AADAC: variants seen among roughly 807,000 people sequenced by gnomAD.
AADAC encodes arylacetamide deacetylase (esterase).
Under a neutral mutation model 22.7 loss-of-function variants are expected in AADAC, and 17 were observed. That is an observed-to-expected ratio of 0.75 (90% CI 0.51 to 1.12). The LOEUF (loss-of-function observed/expected upper bound fraction) is 1.12. Among genes scored for constraint, AADAC ranks in the 50% most tolerant of loss-of-function variants. AADAC has a pLI of 0.00. For missense variants in AADAC, 465 were observed against 473.9 expected (o/e 0.98, Z 0.17); for synonymous variants, 167 against 176.3 (o/e 0.95, Z 0.42).
At chr3:151,815,464 T>C (rs1052757475) in intron 1 of AADAC, among the ~76,000 whole-genome samples, 2 of 152,066 alleles carry the variant, frequency 1.3e-5, no homozygotes, top group East Asian at 1.9e-4. Flanking sequence ...TTGTGGGCAC[T>C]GGTAGTAAGT....
chr3:151,820,684 A>ATTTTTTTTTTTTTTTTTTTT (rs201359958), intron 3 of AADAC, among the ~76,000 whole-genome samples: 7 of 88,442 alleles, frequency 7.9e-5, no homozygotes, highest in African/African-American at 2.4e-4. Context: ...CACCCGGCTA[A>ATTTTTTTTTTTTTTTTTTTT]TTTTTTTATT....
chr3:151,824,395 G>A (rs529802451), intron 3 of AADAC, among the ~76,000 whole-genome samples: 19 of 152,050 alleles, frequency 1.2e-4, no homozygotes, highest in Admixed American at 6.6e-4. Context: ...ATGCTGTTAT[G>A]TCAAATTAGT....
rs1184541431 is a variant in AADAC, at chr3:151,828,013, T to C, written c.1041T>C (p.Asp347=). ...VITCQYDLLR[D]DGLMYVTRLR... is the part of the protein sequence containing the mutation. ...CCTGTCAATATGATCTCTTAAGAGATGATGGACTCATGTATGTCACCCGAC... is the reference window on the plus strand; with the variant it reads ...CCTGTCAATATGATCTCTTAAGAGACGATGGACTCATGTATGTCACCCGAC... Residue 347 remains aspartate (D), a synonymous_variant, in exon 5 of 5, where the codon GAT becomes GAC. Transcript: ENST00000232892. 2 of 1,613,406 alleles carry C rather than the reference T, an allele frequency of 1.2e-6. No homozygotes were observed. The highest frequency in any genetic ancestry group is 1.7e-5 in the Admixed American group (1 of 59,928).
intron 2 of AADAC, among the ~76,000 whole-genome samples, chr3:151,819,453 G>A (rs1716140752): frequency 6.6e-6 from 1 of 151,992 alleles, no homozygotes; most frequent in African/African-American, 2.4e-5. Flanking sequence ...CAAAAAGTGA[G>A]AGGGAAGAAA....
intron 3 of AADAC, among the ~76,000 whole-genome samples, chr3:151,823,389 T>G (rs1008895636): frequency 5.3e-5 from 8 of 151,916 alleles, no homozygotes; most frequent in African/African-American, 1.9e-4. Context: ...ACTATAAAAG[T>G]TTTTAAATAC....
At chr3:151,820,131 C>CAAAGGCAA (rs3830559) in intron 2 of AADAC, among the ~76,000 whole-genome samples, 16,885 of 151,866 alleles carry the variant, frequency 0.11, 1,245 homozygotes, top group Admixed American at 0.15. Context: ...ACAGAAGGAT[C>CAAAGGCAA]AATGGCAAAA....
intron 3 of AADAC, among the ~76,000 whole-genome samples, chr3:151,824,118 T>C (rs1716365388): frequency 6.6e-6 from 1 of 152,004 alleles, no homozygotes; most frequent in Non-Finnish European, 1.5e-5. Flanking sequence ...ACTCTGATTC[T>C]ATGAATTTGA....
At chr3:151,821,773 T>G (rs533039267) in intron 3 of AADAC, among the ~76,000 whole-genome samples, 8 of 152,034 alleles carry the variant, frequency 5.3e-5, no homozygotes, top group Admixed American at 5.2e-4. Context: ...AGATAAAATA[T>G]ACTTTAAAAT....
intron 1 of AADAC, among the ~76,000 whole-genome samples, chr3:151,814,972 C>T (rs186201491): frequency 6.6e-6 from 1 of 152,106 alleles, no homozygotes; most frequent in African/African-American, 2.4e-5. Flanking sequence ...AGAACTTAAA[C>T]CAGATAAATG....
At chr3:151,817,050 C>A (rs1269537366) in intron 1 of AADAC, among the ~76,000 whole-genome samples, 1 of 152,060 alleles carries the variant, frequency 6.6e-6, no homozygotes, top group African/African-American at 2.4e-5. Flanking sequence ...CAAATCACCT[C>A]CACAAAAGAA....
chr3:151,820,534 T>TTG (rs1716203587), intron 3 of AADAC, 82 bp downstream of exon 3: 7 of 1,008,570 alleles, frequency 6.9e-6, no homozygotes, highest in Non-Finnish European at 9.6e-6. Flanking sequence ...TTTTTTTTTT[T>TTG]TGTGATGGAG....
rs746257105 is a variant in AADAC, at chr3:151,825,759, T to C, written c.603+925T>C. On this transcript the variant is annotated intron_variant, in intron 4 of 4. Transcript: ENST00000232892. Reference sequence around the variant, plus strand: ...ATATGTAGAATAGATTTTGTTTTTATGATGAAGGAGAAACACTGCTATTGA... The same window carrying C: ...ATATGTAGAATAGATTTTGTTTTTACGATGAAGGAGAAACACTGCTATTGA... 1.1e-4 allele frequency among the ~76,000 whole-genome samples: 17 copies of C among 152,050 alleles called. 1 individual carries two copies. Among genetic ancestry groups the C allele is most frequent in the Non-Finnish European group, 1.8e-4 (12 of 67,978 alleles).
intron 1 of AADAC, among the ~76,000 whole-genome samples, chr3:151,816,201 C>T (rs1715982996): frequency 6.6e-6 from 1 of 152,018 alleles, no homozygotes; most frequent in African/African-American, 2.4e-5. Flanking sequence ...CATTCCTTCC[C>T]TCCCAACCCT....
chr3:151,816,714 A>G (rs1716001865), intron 1 of AADAC, among the ~76,000 whole-genome samples: 1 of 152,072 alleles, frequency 6.6e-6, no homozygotes, highest in Non-Finnish European at 1.5e-5. Flanking sequence ...CATACATAAT[A>G]GACTTACAAA....
In AADAC at chr3:151,824,881, G is replaced by A. The variant is rs73016426; in HGVS notation, c.603+47G>A. 2.7e-4 allele frequency: 374 copies of A among 1,371,732 alleles called. 2 individuals are homozygous for A. The African/African-American group carries it at 5.0e-3, about 18-fold the overall frequency. 85.0% of individuals were successfully genotyped at this position (1,371,732 alleles called of 1,614,324 possible). On this transcript the variant is annotated intron_variant, in intron 4 of 4. Coordinates refer to ENST00000232892, the MANE Select transcript of AADAC (RefSeq NM_001086.3). Reference sequence around the variant, plus strand: ...TTTTTAAAAATAGCGTTTCTACGCTGTTTTAAAAACATATTTATAAACATA... The same window carrying A: ...TTTTTAAAAATAGCGTTTCTACGCTATTTTAAAAACATATTTATAAACATA...
intron 3 of AADAC, among the ~76,000 whole-genome samples, chr3:151,823,549 T>A (rs1434940274): frequency 6.6e-6 from 1 of 151,788 alleles, no homozygotes; most frequent in South Asian, 2.1e-4. Context: ...AAAATACAAA[T>A]TAAGACTATT....
chr3:151,821,295 G>T (rs768225134), intron 3 of AADAC, among the ~76,000 whole-genome samples: 3 of 151,842 alleles, frequency 2.0e-5, no homozygotes, highest in Non-Finnish European at 2.9e-5. Context: ...TATACACTGC[G>T]CTAAGTATAT....
chr3:151,822,233 G>A (rs1716281490), intron 3 of AADAC, among the ~76,000 whole-genome samples: 1 of 151,884 alleles, frequency 6.6e-6, no homozygotes, highest in Non-Finnish European at 1.5e-5. Flanking sequence ...CTGCTGGTGG[G>A]AATAAACACT....
chr3:151,822,497 A>C (rs1310070009), intron 3 of AADAC, among the ~76,000 whole-genome samples: 1 of 152,070 alleles, frequency 6.6e-6, no homozygotes, highest in East Asian at 1.9e-4. Flanking sequence ...TGGCATATCT[A>C]TACACATATT....
Sources: gnomAD v4.1 joint callset for allele counts (sites outside exome capture counted in the v4.1 genomes callset) on GRCh38, gnomAD v4.1.1 for gene constraint, MANE v1.5 for transcripts, NCBI Gene and HGNC (gene_info 2026-07-23, HGNC 2026-07-21) for gene names.